Variants in ABCG5 observed in about 807,000 individuals in gnomAD.
ABCG5 encodes the protein ATP-binding cassette sub-family G member 5.
ABCG5 carries 64 observed loss-of-function variants against 64.5 expected under a neutral mutation model. The ratio of observed to expected loss-of-function variants is 0.99; its 90% CI spans 0.81 to 1.22. ABCG5 has a LOEUF of 1.22. ABCG5 is among the 50% of genes most tolerant of loss of function. ABCG5 has a pLI of 0.00. For missense variants in ABCG5, 908 were observed against 829.5 expected, an observed-to-expected ratio of 1.09 and a Z score of -1.16; for synonymous variants, 385 against 326.3, an observed-to-expected ratio of 1.18 and a Z score of -1.94.
chr2:43,839,140 C>T, upstream of ABCG5: 1 of 1,550,778 alleles, frequency 6.4e-7, no homozygotes. Flanking sequence ...GGGAAGTCGG[C>T]CCAGGCCTGG....
intron 10 of ABCG5, 143 bp from the exon 11 acceptor site, chr2:43,820,243 G>A (rs986514823): frequency 4.5e-5 from 42 of 933,472 alleles, no homozygotes; most frequent in Admixed American, 4.4e-4. Flanking sequence ...TTGAAAGGCC[G>A]TTTTGGAAAG....
In ABCG5 at chr2:43,813,218, A is replaced by G. The variant is rs1460954499; in HGVS notation, c.1854T>C (p.Ser618=). The change falls in exon 13 of 13, where the codon TCT becomes TCC. Residue 618 remains serine, a synonymous_variant. Coordinates refer to ENST00000405322, the MANE Select transcript of ABCG5 (RefSeq NM_022436.3). ...FIEKTCPGAT[S]RFTMNFLILY... ...AAATCAGAAAGTTCATTGTGAATCT[A>G]GATGTTGCACCTGGGCAGGTTTTCT... 3 of 1,611,726 alleles carry G rather than the reference A, an allele frequency of 1.9e-6. No homozygotes were observed. The highest frequency in any genetic ancestry group is 1.3e-5 in the African/African-American group (1 of 74,986).
intron 11 of ABCG5, among the ~76,000 whole-genome samples, chr2:43,818,319 CT>C (rs1165430544): frequency 6.6e-6 from 1 of 152,120 alleles, no homozygotes; most frequent in Admixed American, 6.6e-5. Flanking sequence ...TGGCGCACAC[CT>C]GTAATCCCAG....
chr2:43,832,201 C>T (rs558376869), intron 2 of ABCG5, 118 bp from the exon 3 acceptor site: 1 of 1,403,592 alleles, frequency 7.1e-7, no homozygotes, highest in South Asian at 1.2e-5. Context: ...ATGACGGACC[C>T]TGTTCTAGGT....
chr2:43,824,768 G>A (rs1284515618), intron 7 of ABCG5, 121 bp downstream of exon 7: 3 of 1,503,224 alleles, frequency 2.0e-6, no homozygotes, highest in East Asian at 4.9e-5. Flanking sequence ...TCCTTGAAGA[G>A]TATAAAACAC....
chr2:43,823,035 T>A, intron 9 of ABCG5, 100 bp from the exon 10 acceptor site: 1 of 1,515,244 alleles, frequency 6.6e-7, no homozygotes, highest in African/African-American at 1.4e-5. Context: ...GGCTGGATGG[T>A]GAGGACCAGC....
In ABCG5 at chr2:43,822,869, A is replaced by G; in HGVS notation, c.1391T>C (p.Met464Thr). Residue 464 changes from methionine to threonine, a missense_variant, in exon 10 of 13, where the codon ATG becomes ACG. By Grantham distance (81) the Met-to-Thr change is moderately conservative. Transcript: ENST00000405322. ...GAGGACGTGCAGTGCATAGGCCAGCATCATCTGCCACTTCTGGTAGAGGCC... is the reference window on the plus strand; with the variant it reads ...GAGGACGTGCAGTGCATAGGCCAGCGTCATCTGCCACTTCTGGTAGAGGCC... ...QDGLYQKWQM[M>T]LAYALHVLPF... 2 of 1,614,186 alleles carry G rather than the reference A, an allele frequency of 1.2e-6. No homozygotes were observed. The highest frequency in any genetic ancestry group is 1.3e-5 in the African/African-American group (1 of 75,056).
At chr2:43,831,916 G>T (rs751645524) in intron 3 of ABCG5, 31 bp downstream of exon 3, 13 of 1,547,550 alleles carry the variant, frequency 8.4e-6, no homozygotes, top group Non-Finnish European at 1.0e-5. Context: ...GGGGCGGGCG[G>T]GGGGGCCAGG....
chr2:43,815,442 C>T (rs1666754863), intron 11 of ABCG5, among the ~76,000 whole-genome samples: 1 of 152,058 alleles, frequency 6.6e-6, no homozygotes, highest in Non-Finnish European at 1.5e-5. Flanking sequence ...ACTATTTGTG[C>T]CAAGAAAGTA....
At chr2:43,824,760 C>G (rs1358747120) in intron 7 of ABCG5, 129 bp downstream of exon 7, 1 of 1,482,480 alleles carries the variant, frequency 6.7e-7, no homozygotes, top group Non-Finnish European at 9.2e-7. Flanking sequence ...AAATTGATTC[C>G]TTGAAGAGTA....
Position 43,812,815 on chromosome 2 carries a change from A to G in ABCG5, c.*301T>C, listed in dbSNP as rs970181987. Reference sequence around the variant, plus strand: ...ATTTTTTTCTGTGCCTAGAACAAGGAAAAAAAATAGTCACACGAGTCTCCC... The same window carrying G: ...ATTTTTTTCTGTGCCTAGAACAAGGGAAAAAAATAGTCACACGAGTCTCCC... On this transcript the variant is annotated 3_prime_UTR_variant, in exon 13 of 13. Transcript: ENST00000405322. 2 of 331,496 alleles carry G rather than the reference A, an allele frequency of 6.0e-6. No individual in the cohort carries two copies. Among genetic ancestry groups the G allele is most frequent in the Non-Finnish European group, 1.1e-5 (2 of 178,538 alleles). The allele number at this position is 331,496 out of a possible 1,614,324, so 20.5% of individuals were successfully genotyped here. A position where few individuals can be genotyped will look rare whatever the true frequency, so the allele number is the denominator to read the frequency against.
chr2:43,809,263 A>C (rs1666393515), downstream of ABCG5, among the ~76,000 whole-genome samples: 1 of 152,158 alleles, frequency 6.6e-6, no homozygotes, highest in Admixed American at 6.5e-5. Flanking sequence ...AAGTGCTGGG[A>C]CTATAGGAAT....
At chr2:43,833,401 G>A (rs1400512142) in intron 2 of ABCG5, among the ~76,000 whole-genome samples, 4 of 127,292 alleles carry the variant, frequency 3.1e-5, no homozygotes, top group Non-Finnish European at 6.9e-5. Flanking sequence ...TATTATTATT[G>A]AGACGAAGTA....
At chr2:43,838,860 GTC>G, upstream of ABCG5, 1 of 1,279,516 alleles carries the variant, frequency 7.8e-7, no homozygotes, top group Non-Finnish European at 1.1e-6. The surrounding 1 kb of genome is among the most constrained non-coding windows in gnomAD (Gnocchi z 4.2). Flanking sequence ...TAGCCAGCGC[GTC>G]CTTATCTTGA....
At chr2:43,825,068 C>T (rs376686791) in intron 6 of ABCG5, 50 bp from the exon 7 acceptor site, 47 of 1,604,306 alleles carry the variant, frequency 2.9e-5, no homozygotes, top group Non-Finnish European at 3.9e-5. Flanking sequence ...GGTAGCGATG[C>T]ACTTTGAATG....
intron 10 of ABCG5, chr2:43,822,470 TCCCCCAGGCCC>T: frequency 2.8e-6 from 1 of 354,566 alleles, no homozygotes; most frequent in Non-Finnish European, 3.6e-6. Context: ...CTTTCTCCCC[TCCCCCAGGCCC>T]CCCCCCATGC....
intron 2 of ABCG5, 49 bp downstream of exon 2, chr2:43,837,785 A>C (rs1191229561): frequency 3.1e-6 from 5 of 1,611,536 alleles, no homozygotes; most frequent in Middle Eastern, 1.7e-4. Flanking sequence ...TTCAATGTGG[A>C]GTTTAACTCA....
Position 43,837,968 on chromosome 2 carries a change from C to T in ABCG5, c.144-13G>A, listed in dbSNP as rs770437090. 3 of 1,613,714 alleles carry T rather than the reference C, an allele frequency of 1.9e-6. No individual in the cohort carries two copies. The highest frequency in any genetic ancestry group is 2.2e-5 in the South Asian group (2 of 91,066). ...CCTCACGCGGTGGCTTTAAAGGAAA[C>T]CCCAGGAAGGCAAAGGCAGCTTGGG... is the stretch of plus-strand genomic sequence containing the variant. On this transcript the variant is annotated splice_polypyrimidine_tract_variant and intron_variant, in intron 1 of 12. Transcript: ENST00000405322.
chr2:43,825,230 T>C (rs1667523080), intron 6 of ABCG5, among the ~76,000 whole-genome samples: 1 of 152,134 alleles, frequency 6.6e-6, no homozygotes, highest in African/African-American at 2.4e-5. Flanking sequence ...ATCCCTACCC[T>C]TGTGAGCCTA....
Sources: gnomAD v4.1 joint callset for allele counts (sites outside exome capture counted in the v4.1 genomes callset) on GRCh38, gnomAD v4.1.1 for gene constraint, Gnocchi (gnomAD v3.1) non-coding constraint, MANE v1.5 for transcripts, NCBI Gene and HGNC (gene_info 2026-07-23, HGNC 2026-07-21) for gene names.